The following HOOK3 variants were observed in gnomAD, a reference collection of about 807,000 sequenced individuals.
HOOK3 encodes the protein hook microtubule tethering protein 3.
In HOOK3, 24 loss-of-function variants were observed where a neutral mutation model predicts 116.3. The observed-to-expected ratio is 0.21, with a 90% confidence interval of 0.15 to 0.29. The LOEUF (loss-of-function observed/expected upper bound fraction) is 0.29, where lower values mean the gene tolerates loss of function less well. Among genes scored for constraint, HOOK3 ranks in the 10% least tolerant of loss-of-function variants. HOOK3 has a pLI of 1.00. For synonymous variants in HOOK3, 275 were observed against 283.0 expected, an observed-to-expected ratio of 0.97 and a Z score of 0.28; for missense variants, 632 against 830.2, an observed-to-expected ratio of 0.76 and a Z score of 2.93.
rs1286020981 is a variant in HOOK3, at chr8:43,027,491, C to T, written c.*8993C>T. 1.1e-5 allele frequency: 5 copies of T among 443,688 alleles called. No homozygotes were observed. Among genetic ancestry groups the T allele is most frequent in the East Asian group, 1.0e-4 (2 of 20,006 alleles). 27.5% of individuals were successfully genotyped at this position (443,688 alleles called of 1,614,324 possible). A position where few individuals can be genotyped will look rare whatever the true frequency, so the allele number is the denominator to read the frequency against. On this transcript the variant is annotated 3_prime_UTR_variant, in exon 22 of 22. Transcript: ENST00000307602. ...TCTACCTTACCCCCTGTTCTACTGACGTGCTTTGCATGAGAAGCTCATCTA... is the reference window on the plus strand; with the variant it reads ...TCTACCTTACCCCCTGTTCTACTGATGTGCTTTGCATGAGAAGCTCATCTA...
At chr8:42,981,823 G>T (rs1186680755) in intron 13 of HOOK3, among the ~76,000 whole-genome samples, 1 of 148,582 alleles carries the variant, frequency 6.7e-6, no homozygotes, top group Non-Finnish European at 1.5e-5. Context: ...GACAGAGGTT[G>T]CAGTGAGCCA....
intron 4 of HOOK3, among the ~76,000 whole-genome samples, chr8:42,939,295 C>T (rs1026765561): frequency 5.3e-5 from 8 of 151,848 alleles, no homozygotes; most frequent in East Asian, 2.0e-4. Flanking sequence ...TAGGGGCGGC[C>T]GGGCAGAGGC....
At chr8:42,952,177 A>G (rs1189674923) in intron 6 of HOOK3, among the ~76,000 whole-genome samples, 1 of 152,198 alleles carries the variant, frequency 6.6e-6, no homozygotes, top group Non-Finnish European at 1.5e-5. Context: ...TACAAATTCA[A>G]GGATTCCCAC....
At chr8:42,924,865 T>G (rs1322525220) in intron 2 of HOOK3, among the ~76,000 whole-genome samples, 1 of 151,370 alleles carries the variant, frequency 6.6e-6, no homozygotes, top group African/African-American at 2.4e-5. Flanking sequence ...CCTAGCTACT[T>G]GGGAGGCTGA....
At chr8:42,899,881 C>T (rs1807149077) in intron 1 of HOOK3, among the ~76,000 whole-genome samples, 1 of 152,160 alleles carries the variant, frequency 6.6e-6, no homozygotes, top group Non-Finnish European at 1.5e-5. Flanking sequence ...AATTATATTC[C>T]TGAGTATCAG....
chr8:42,989,636 A>G (rs752417726), intron 15 of HOOK3, among the ~76,000 whole-genome samples: 1 of 152,156 alleles, frequency 6.6e-6, no homozygotes, highest in Non-Finnish European at 1.5e-5. Context: ...TTATTTTTAA[A>G]TGTACAATTA....
At chr8:42,911,187 C>T (rs1807421742) in intron 2 of HOOK3, among the ~76,000 whole-genome samples, 1 of 152,206 alleles carries the variant, frequency 6.6e-6, no homozygotes, top group African/African-American at 2.4e-5. Context: ...TGCGGTGGCT[C>T]ACGCCTGTAA....
intron 1 of HOOK3, among the ~76,000 whole-genome samples, chr8:42,903,168 A>G (rs920376123): frequency 6.6e-6 from 1 of 152,136 alleles, no homozygotes; most frequent in African/African-American, 2.4e-5. Context: ...GTGTCAGGGC[A>G]GCTTGGAAGG....
chr8:42,976,467 A>G (rs1808831350), intron 13 of HOOK3, among the ~76,000 whole-genome samples: 1 of 152,086 alleles, frequency 6.6e-6, no homozygotes, highest in African/African-American at 2.4e-5. Context: ...CTGAGGTCGC[A>G]CTACTGCATT....
Position 42,907,406 on chromosome 8 carries a change from A to G in HOOK3, c.143+1148A>G, listed in dbSNP as rs1294286095. Among the ~76,000 whole-genome samples the G allele has an allele frequency of 2.6e-5, 4 of 152,186 alleles. No individual in the cohort carries two copies. The East Asian group carries it at 7.7e-4, about 29-fold the overall frequency. On this transcript the variant is annotated intron_variant, in intron 2 of 21. Transcript: ENST00000307602. ...TTCTATAACTTAAAATGCATGGTAC[A>G]TTTTTCCAGATATATAGGCACACAG...
At chr8:42,905,327 G>GC (rs199778785) in intron 1 of HOOK3, among the ~76,000 whole-genome samples, 33 of 101,216 alleles carry the variant, frequency 3.3e-4, no homozygotes, top group Admixed American at 5.5e-4. Flanking sequence ...TCTTTTTTTG[G>GC]GGGGGGGGGT....
chr8:42,926,265 A>G (rs529321909), intron 3 of HOOK3, among the ~76,000 whole-genome samples: 7 of 152,144 alleles, frequency 4.6e-5, no homozygotes, highest in Non-Finnish European at 7.3e-5. Flanking sequence ...GTAATCCACC[A>G]AATTATTTTT....
At chr8:43,008,406 T>C (rs1809535516) in intron 18 of HOOK3, among the ~76,000 whole-genome samples, 3 of 151,822 alleles carry the variant, frequency 2.0e-5, no homozygotes, top group African/African-American at 7.3e-5. Context: ...AGTCTTGACC[T>C]CCCATGCTCA....
intron 15 of HOOK3, among the ~76,000 whole-genome samples, chr8:42,991,888 A>G (rs1184927380): frequency 6.6e-6 from 1 of 152,138 alleles, no homozygotes; most frequent in Non-Finnish European, 1.5e-5. Flanking sequence ...CGCACCCAGC[A>G]TGGACATTTT....
At chr8:43,005,555 C>G (rs1484127117) in intron 17 of HOOK3, among the ~76,000 whole-genome samples, 1 of 151,458 alleles carries the variant, frequency 6.6e-6, no homozygotes, top group Non-Finnish European at 1.5e-5. Context: ...AGCACAAAGA[C>G]AATAAAACCA....
chr8:42,977,182 C>T (rs1808846158), intron 13 of HOOK3, among the ~76,000 whole-genome samples: 1 of 152,196 alleles, frequency 6.6e-6, no homozygotes, highest in East Asian at 1.9e-4. Flanking sequence ...TCATACAGTC[C>T]TCAAGAAGTA....
At position 43,028,229 on chromosome 8, in the gene HOOK3, C is replaced by G. The variant is rs575201640; in HGVS notation, c.*9731C>G. 44 of 184,158 alleles carry G rather than the reference C, an allele frequency of 2.4e-4. No homozygotes were observed. The East Asian group carries it at 3.1e-3, about 13-fold the overall frequency. 11.4% of individuals were successfully genotyped at this position (184,158 alleles called of 1,614,324 possible). A position where few individuals can be genotyped will look rare whatever the true frequency, so the allele number is the denominator to read the frequency against. On this transcript the variant is annotated 3_prime_UTR_variant, in exon 22 of 22. Transcript: ENST00000307602. ...ATTAGCTGGGCATGGTAGCTCATGC[C>G]TGTAGTCCCAGCTACTCCAGAGGTC...
intron 15 of HOOK3, chr8:42,994,437 C>T: frequency 2.4e-6 from 1 of 417,032 alleles, no homozygotes; most frequent in South Asian, 1.7e-5. Flanking sequence ...GATGTAGGTA[C>T]TTGTGCCCAT....
At chr8:43,011,739 C>G (rs1809616403) in intron 19 of HOOK3, among the ~76,000 whole-genome samples, 1 of 152,062 alleles carries the variant, frequency 6.6e-6, no homozygotes, top group Non-Finnish European at 1.5e-5. Context: ...ATTAGCTGGT[C>G]ATGGTGGCAT....
Sources: allele counts gnomAD v4.1 joint callset (sites outside exome capture counted in the v4.1 genomes callset), GRCh38; gene constraint gnomAD v4.1.1; transcripts MANE v1.5; gene names NCBI Gene and HGNC (gene_info 2026-07-23, HGNC 2026-07-21).